Variants in AKNA observed in about 807,000 individuals in gnomAD.
AKNA encodes the protein AT-hook transcription factor, also known as microtubule organization protein AKNA.
In AKNA, 67 loss-of-function variants were observed where a neutral mutation model predicts 138.8. That is an observed-to-expected ratio of 0.48 (90% CI 0.40 to 0.59). The LOEUF (loss-of-function observed/expected upper bound fraction) is 0.59, where lower values mean the gene tolerates loss of function less well. AKNA is among the 20% of genes least tolerant of loss of function. The pLI is 0.00. For missense variants in AKNA, 1,813 were observed against 1,880.4 expected, an observed-to-expected ratio of 0.96 and a Z score of 0.66; for synonymous variants, 737 against 754.4, an observed-to-expected ratio of 0.98 and a Z score of 0.38.
At chr9:114,396,852 A>G (rs1834549508), upstream of AKNA, 1 of 152,180 alleles carries the variant, frequency 6.6e-6, no homozygotes, top group African/African-American at 2.4e-5. Context: ...CATAAAAAGG[A>G]CCAGGAATTC....
rs1270994644 is a variant in AKNA, at chr9:114,335,599, C to G, written c.*1455G>C. The stretch of plus-strand genomic sequence containing the variant: ...TCAGCCCGACCAACATGGAGAAACC[C>G]TGTCTCTACTAAAAATACAAAATTA... On this transcript the variant is annotated 3_prime_UTR_variant, in exon 22 of 22. Coordinates refer to ENST00000374088, the MANE Select transcript of AKNA (RefSeq NM_001317950.2). 1 of 152,044 alleles carries G rather than the reference C, an allele frequency of 6.6e-6. No homozygotes were observed. Among genetic ancestry groups the G allele is most frequent in the African/African-American group, 2.4e-5 (1 of 41,396 alleles). 9.4% of individuals were successfully genotyped at this position (152,044 alleles called of 1,614,324 possible). A position where few individuals can be genotyped will look rare whatever the true frequency, so the allele number is the denominator to read the frequency against.
chr9:114,368,225 CA>C (rs1286337235), intron 5 of AKNA: 5 of 448,338 alleles, frequency 1.1e-5, no homozygotes, highest in Non-Finnish European at 1.8e-5. Flanking sequence ...TGCCAAGTGG[CA>C]GGGCCAGGGC....
rs1829954116 is a variant in AKNA at position 114,335,614 on chromosome 9, A to C, written c.*1440T>G. The stretch of plus-strand genomic sequence containing the variant: ...TGGAGAAACCCTGTCTCTACTAAAA[A>C]TACAAAATTAGCCAGACGTGGTGGT... On this transcript the variant is annotated 3_prime_UTR_variant, in exon 22 of 22. Coordinates refer to ENST00000374088, the MANE Select transcript of AKNA (RefSeq NM_001317950.2). The C allele has an allele frequency of 6.6e-6, 1 of 152,098 alleles. No homozygotes were observed. The highest frequency in any genetic ancestry group is 3.2e-3 in the Middle Eastern group (1 of 316). 9.4% of individuals were successfully genotyped at this position (152,098 alleles called of 1,614,324 possible).
At chr9:114,385,635 T>C (rs1833973991) in intron 1 of AKNA, among the ~76,000 whole-genome samples, 1 of 152,218 alleles carries the variant, frequency 6.6e-6, no homozygotes, top group Non-Finnish European at 1.5e-5. Context: ...AATCTCACTG[T>C]AACCAGGGGA....
rs1186809588 is a variant in AKNA, at chr9:114,336,956, A to G, written c.*98T>C. The G allele has an allele frequency of 2.9e-6, 4 of 1,394,912 alleles. No individual in the cohort carries two copies. In the East Asian group the frequency reaches 1.0e-4, roughly 36 times the overall value. 86.4% of individuals were successfully genotyped at this position (1,394,912 alleles called of 1,614,324 possible). A position where few individuals can be genotyped will look rare whatever the true frequency, so the allele number is the denominator to read the frequency against. ...AGGGAGACCCTCCTGGTGAGGAACT[A>G]TGCGGGCCTTCTGGGCCTCAGCAGC... On this transcript the variant is annotated 3_prime_UTR_variant, in exon 22 of 22. Coordinates refer to ENST00000374088, the MANE Select transcript of AKNA (RefSeq NM_001317950.2).
chr9:114,341,541 A>G lies in AKNA; in HGVS notation c.4059T>C (p.Pro1353=). ...AGAATGAAGGCTCTTACACAGCGGC[A>G]GGTGGATAAGGCATGATGGGAACCG... ...ISSVPIMPYP[P]AAVYYAPAGP... Residue 1353 remains proline (P), a synonymous_variant, in exon 21 of 22, where the codon CCT becomes CCC. Transcript: ENST00000374088. 1 of 1,614,118 alleles carries G rather than the reference A, an allele frequency of 6.2e-7. No homozygotes were observed. The highest frequency in any genetic ancestry group is 8.5e-7 in the Non-Finnish European group (1 of 1,180,006).
rs182024262 is a variant in AKNA, at chr9:114,373,043, G to A, written c.1416+1050C>T. ...CAGTGGCCTCCGCCCACCTGCCCCG[G>A]AAGTGCCTCTCGACATTGAGAGCAG... On this transcript the variant is annotated intron_variant, in intron 4 of 21. Coordinates refer to ENST00000374088, the MANE Select transcript of AKNA (RefSeq NM_001317950.2). Among the ~76,000 whole-genome samples, 329 of 136,432 alleles carry A rather than the reference G, an allele frequency of 2.4e-3. 1 individual carries two copies. In the South Asian group the frequency reaches 0.033, roughly 14 times the overall value. 89.5% of individuals were successfully genotyped at this position (136,432 alleles called of 152,430 possible). A position where few individuals can be genotyped will look rare whatever the true frequency, so the allele number is the denominator to read the frequency against.
upstream of AKNA, among the ~76,000 whole-genome samples, chr9:114,391,493 C>A (rs1015582675): frequency 6.6e-6 from 1 of 152,052 alleles, no homozygotes; most frequent in Non-Finnish European, 1.5e-5. Flanking sequence ...GACACTGAGG[C>A]CCAGAGAAGA....
downstream of AKNA, among the ~76,000 whole-genome samples, chr9:114,332,276 C>T (rs1829867020): frequency 6.6e-6 from 1 of 152,112 alleles, no homozygotes; most frequent in Admixed American, 6.5e-5. Context: ...CCCACCTCCA[C>T]TCCCCGCTCA....
intron 12 of AKNA, 116 bp from the exon 13 acceptor site, chr9:114,357,085 G>C: frequency 1.2e-6 from 1 of 846,182 alleles, no homozygotes; most frequent in Non-Finnish European, 1.8e-6. Flanking sequence ...AGGGTTGCTG[G>C]CCCAGCTCCC....
At chr9:114,332,319 T>C (rs1006408131), downstream of AKNA, among the ~76,000 whole-genome samples, 2 of 152,172 alleles carry the variant, frequency 1.3e-5, no homozygotes, top group African/African-American at 2.4e-5. Flanking sequence ...GAATTGATAC[T>C]GTGGTTTTCA....
chr9:114,331,561 T>C (rs1829851402), downstream of AKNA: 16 of 1,611,308 alleles, frequency 9.9e-6, no homozygotes, highest in Non-Finnish European at 1.4e-5. Context: ...TCTTTTTCTC[T>C]TCCAGAGGGA....
chr9:114,342,146 G>A (rs758654478), intron 19 of AKNA, 21 bp from the exon 20 acceptor site: 24 of 1,520,690 alleles, frequency 1.6e-5, no homozygotes, highest in Non-Finnish European at 2.0e-5. Context: ...AGGAAGAGAT[G>A]TCAGGGGAGG....
At chr9:114,368,653 A>G in intron 4 of AKNA, 58 bp from the exon 5 acceptor site, 1 of 1,288,698 alleles carries the variant, frequency 7.8e-7, no homozygotes, top group South Asian at 3.0e-5. Flanking sequence ...ACCCACCTGA[A>G]ACGCCTCATC....
upstream of AKNA, among the ~76,000 whole-genome samples, chr9:114,388,885 G>A (rs148989180): frequency 2.7e-3 from 414 of 152,316 alleles, no homozygotes; most frequent in Non-Finnish European, 4.5e-3. Context: ...GTGACGATCC[G>A]TGTCCCAGGC....
rs905023176 is a variant in AKNA, at chr9:114,361,890, G to A, written c.1938C>T (p.Tyr646=). Residue 646 remains tyrosine, a synonymous_variant, in exon 9 of 22, where the codon TAC becomes TAT. Transcript: ENST00000374088. ...DPRRELEAEI[Y]RLGSCLEELK... is the part of the protein sequence containing the mutation. ...GCTCTTCCAGGCAGCTTCCCAGACG[G>A]TATATCTCTGCCTCCAGCTCCCTGG... 5.0e-6 allele frequency: 8 copies of A among 1,603,658 alleles called. No homozygotes were observed. In the African/African-American group the frequency reaches 8.0e-5, roughly 16 times the overall value.
intron 21 of AKNA, among the ~76,000 whole-genome samples, chr9:114,339,250 G>A (rs1368812661): frequency 3.3e-5 from 5 of 152,106 alleles, no homozygotes; most frequent in Admixed American, 1.3e-4. Flanking sequence ...GGAAAGTCTC[G>A]GCTGCAGGGG....
chr9:114,349,088 G>C (rs1261605918), intron 15 of AKNA: 1 of 407,716 alleles, frequency 2.5e-6, no homozygotes, highest in Non-Finnish European at 5.0e-6. Context: ...AGCCACGAGG[G>C]CAAGTGTGGG....
chr9:114,381,290 A>G lies in AKNA; in HGVS notation c.44T>C (p.Leu15Pro), dbSNP rs754822904. The G allele has an allele frequency of 1.6e-4, 258 of 1,610,928 alleles. 1 individual carries two copies. Among genetic ancestry groups the G allele is most frequent in the Non-Finnish European group, 2.1e-4 (251 of 1,178,600 alleles). The change falls in exon 2 of 22, where the codon CTG becomes CCG. Residue 15 changes from leucine to proline, a missense_variant. Coordinates refer to ENST00000374088, the MANE Select transcript of AKNA (RefSeq NM_001317950.2). ...GCGCCGCCGCTGGGGGCCCTTCCCCAGGCCAGGCTCAGCCCAGCGGATCTC... is the reference window on the plus strand; with the variant it reads ...GCGCCGCCGCTGGGGGCCCTTCCCCGGGCCAGGCTCAGCCCAGCGGATCTC... Reference protein sequence around the residue: ...ETEIRWAEPGLGKGPQRRRWA... With the variant: ...ETEIRWAEPGPGKGPQRRRWA...
Sources: allele counts gnomAD v4.1 joint callset (sites outside exome capture counted in the v4.1 genomes callset), GRCh38; gene constraint gnomAD v4.1.1; transcripts MANE v1.5; gene names NCBI Gene and HGNC (gene_info 2026-07-23, HGNC 2026-07-21).